The following NUDCD3 variants were observed in gnomAD, a reference collection of about 807,000 sequenced individuals.
NUDCD3 encodes NudC domain containing 3.
In NUDCD3, 13 loss-of-function variants were observed where a neutral mutation model predicts 39.7. The ratio of observed to expected loss-of-function variants is 0.33; its 90% CI spans 0.21 to 0.52. NUDCD3 has a LOEUF of 0.52. Among genes scored for constraint, NUDCD3 ranks in the 20% least tolerant of loss-of-function variants. NUDCD3 has a pLI of 0.96. For synonymous variants in NUDCD3, 175 were observed against 172.4 expected, an observed-to-expected ratio of 1.02 and a Z score of -0.12; for missense variants, 453 against 458.1, an observed-to-expected ratio of 0.99 and a Z score of 0.10.
intron 4 of NUDCD3, among the ~76,000 whole-genome samples, chr7:44,402,431 C>T (rs1046167344): frequency 1.3e-5 from 2 of 152,102 alleles, no homozygotes; most frequent in African/African-American, 2.4e-5. Context: ...GAGTTACTTC[C>T]GTCAACAAAA....
rs1798268666 is a variant in NUDCD3 at position 44,379,234 on chromosome 7, C to G, written c.*6777G>C. On this transcript the variant is annotated 3_prime_UTR_variant, in exon 6 of 6. Coordinates refer to ENST00000355451, the MANE Select transcript of NUDCD3 (RefSeq NM_015332.4). ...TTGGGAGGCTGAAGCAGGAGGATCACTTGAGCCCAGAGGTTTGAGTCCAGT... is the reference window on the plus strand; with the variant it reads ...TTGGGAGGCTGAAGCAGGAGGATCAGTTGAGCCCAGAGGTTTGAGTCCAGT... 6.6e-6 allele frequency: 1 copy of G among 151,686 alleles called. No individual in the cohort carries two copies. The highest frequency in any genetic ancestry group is 2.4e-5 in the African/African-American group (1 of 41,144). 9.4% of individuals were successfully genotyped at this position (151,686 alleles called of 1,614,324 possible). A position where few individuals can be genotyped will look rare whatever the true frequency, so the allele number is the denominator to read the frequency against.
chr7:44,452,314 C>T (rs1051611786), intron 2 of NUDCD3, among the ~76,000 whole-genome samples: 2 of 152,226 alleles, frequency 1.3e-5, no homozygotes, highest in Non-Finnish European at 2.9e-5. Context: ...TGGGGGCGCA[C>T]GCCCCCAGCT....
intron 2 of NUDCD3, chr7:44,468,349 CAAAAAAAA>C (rs77181470): frequency 1.6e-5 from 6 of 381,096 alleles, no homozygotes; most frequent in Admixed American, 6.2e-5. Flanking sequence ...GTAAAAACTG[CAAAAAAAA>C]AAAAAAAAAA....
intron 2 of NUDCD3, among the ~76,000 whole-genome samples, chr7:44,465,338 C>A (rs575238901): frequency 1.3e-5 from 2 of 152,288 alleles, no homozygotes; most frequent in African/African-American, 4.8e-5. Context: ...AACATCAACA[C>A]CTTAAGGCCT....
chr7:44,428,123 TAAAAAA>T (rs55642004), intron 2 of NUDCD3, among the ~76,000 whole-genome samples: 18 of 76,102 alleles, frequency 2.4e-4, no homozygotes, highest in African/African-American at 9.4e-4. Flanking sequence ...GGTCAATCTT[TAAAAAA>T]AAAAAAAAAA....
intron 3 of NUDCD3, among the ~76,000 whole-genome samples, chr7:44,424,870 T>C (rs1218642592): frequency 2.0e-5 from 3 of 152,114 alleles, no homozygotes; most frequent in Admixed American, 6.5e-5. Flanking sequence ...CTATTTACAA[T>C]AGCAAAGACT....
chr7:44,390,392 A>G (rs1463152805), intron 5 of NUDCD3, among the ~76,000 whole-genome samples: 5 of 152,182 alleles, frequency 3.3e-5, no homozygotes, highest in Admixed American at 6.5e-5. Flanking sequence ...AATAAAATAA[A>G]GTCTACAAAA....
intron 3 of NUDCD3, among the ~76,000 whole-genome samples, chr7:44,413,941 G>C (rs753856223): frequency 4.6e-5 from 7 of 151,906 alleles, no homozygotes; most frequent in African/African-American, 1.7e-4. Flanking sequence ...TGTAGTCCCA[G>C]CTGCTCAGGA....
chr7:44,433,232 G>C (rs770774874), intron 2 of NUDCD3, among the ~76,000 whole-genome samples: 13 of 152,208 alleles, frequency 8.5e-5, no homozygotes, highest in African/African-American at 2.9e-4. Context: ...ATGCTATTTT[G>C]TTATAGTAGC....
intron 2 of NUDCD3, among the ~76,000 whole-genome samples, chr7:44,440,496 G>GAAAAAACAAAAAAAAAAAAAAAAAAAA (rs1799558359): frequency 2.1e-5 from 1 of 48,386 alleles, no homozygotes; most frequent in Non-Finnish European, 4.0e-5. Context: ...CAGAAAAATT[G>GAAAAAACAAAAAAAAAAAAAAAAAAAA]AAAAAAAAAA....
At chr7:44,480,004 G>C (rs774500723) in intron 2 of NUDCD3, among the ~76,000 whole-genome samples, 1 of 152,212 alleles carries the variant, frequency 6.6e-6, no homozygotes, top group Non-Finnish European at 1.5e-5. Flanking sequence ...TCCTTGGAAA[G>C]GTTTGATTAG....
intron 4 of NUDCD3, among the ~76,000 whole-genome samples, chr7:44,392,747 C>T (rs568979862): frequency 6.6e-6 from 1 of 152,224 alleles, no homozygotes; most frequent in Non-Finnish European, 1.5e-5. Context: ...CTGGAAGATG[C>T]CTTTATCCTT....
intron 4 of NUDCD3, among the ~76,000 whole-genome samples, chr7:44,401,482 A>G (rs1025808656): frequency 6.6e-6 from 1 of 152,218 alleles, no homozygotes; most frequent in African/African-American, 2.4e-5. Flanking sequence ...AGAGCCCTGC[A>G]CGGGAGCACT....
intron 2 of NUDCD3, among the ~76,000 whole-genome samples, chr7:44,456,153 G>C (rs972253630): frequency 2.0e-5 from 3 of 150,054 alleles, no homozygotes; most frequent in Non-Finnish European, 3.0e-5. Flanking sequence ...ACTAGGATTA[G>C]AGAACATAGC....
intron 5 of NUDCD3, among the ~76,000 whole-genome samples, chr7:44,391,616 G>A (rs1439791774): frequency 6.6e-6 from 1 of 152,202 alleles, no homozygotes; most frequent in Non-Finnish European, 1.5e-5. Flanking sequence ...CGCGTGCCCT[G>A]CTGTACTGCG....
At chr7:44,399,771 T>C (rs1444342579) in intron 4 of NUDCD3, among the ~76,000 whole-genome samples, 1 of 152,190 alleles carries the variant, frequency 6.6e-6, no homozygotes, top group Non-Finnish European at 1.5e-5. Context: ...AATTCCACTC[T>C]TGAGAAATAA....
chr7:44,490,621 C>A lies in NUDCD3; in HGVS notation c.-21G>T. The stretch of plus-strand genomic sequence containing the variant: ...TCCATGTCGCCTCCCGCCCTAGGTA[C>A]GCTTCACACACACAGCGCCGCCTCA... On this transcript the variant is annotated 5_prime_UTR_variant, in exon 1 of 6. Coordinates refer to ENST00000355451, the MANE Select transcript of NUDCD3 (RefSeq NM_015332.4). 1 of 1,587,358 alleles carries A rather than the reference C, an allele frequency of 6.3e-7. No homozygotes were observed. The highest frequency in any genetic ancestry group is 8.6e-7 in the Non-Finnish European group (1 of 1,167,466).
chr7:44,404,250 G>A (rs1053541962), intron 4 of NUDCD3, among the ~76,000 whole-genome samples, 190 bp downstream of exon 4: 4 of 152,028 alleles, frequency 2.6e-5, no homozygotes, highest in Non-Finnish European at 5.9e-5. Context: ...GACCTCAAAG[G>A]GCCAAAGCTC....
intron 5 of NUDCD3, 50 bp from the exon 6 acceptor site, chr7:44,386,171 C>T: frequency 6.3e-7 from 1 of 1,595,772 alleles, no homozygotes; most frequent in Non-Finnish European, 8.6e-7. Context: ...GCACTGTGTA[C>T]TTTCTCCCAG....
Sources: allele counts gnomAD v4.1 joint callset (sites outside exome capture counted in the v4.1 genomes callset), GRCh38; gene constraint gnomAD v4.1.1; transcripts MANE v1.5; gene names NCBI Gene and HGNC (gene_info 2026-07-23, HGNC 2026-07-21).